HAS1: variants seen among roughly 807,000 people sequenced by gnomAD.
The protein encoded by HAS1 is HA synthase 1.
Under a neutral mutation model 35.0 loss-of-function variants are expected in HAS1, and 27 were observed. The ratio of observed to expected loss-of-function variants is 0.77; its 90% confidence interval spans 0.57 to 1.06. The LOEUF (loss-of-function observed/expected upper bound fraction) is 1.06. HAS1 is among the 50% of genes least tolerant of loss of function. The probability of loss-of-function intolerance (pLI) is 0.00; values close to 1 mark genes in which losing one functional copy is unlikely to be tolerated. For missense variants in HAS1, 940 were observed against 814.8 expected, an observed-to-expected ratio of 1.15 and a Z score of -1.87; for synonymous variants, 409 against 371.2, an observed-to-expected ratio of 1.10 and a Z score of -1.17.
intron 1 of HAS1, 39 bp downstream of exon 1, chr19:51,723,885 AC>A: frequency 1.4e-6 from 1 of 702,828 alleles, no homozygotes; most frequent in Non-Finnish European, 1.9e-6. Flanking sequence ...ATGGCTGTAT[AC>A]ACACACACAC....
intron 2 of HAS1, among the ~76,000 whole-genome samples, chr19:51,717,425 TG>T (rs1383771515): frequency 4.6e-5 from 7 of 152,170 alleles, no homozygotes; most frequent in African/African-American, 1.7e-4. Context: ...CTCTGGTGTG[TG>T]AGTGAGACCC....
At chr19:51,718,433 T>C (rs1212931294) in intron 2 of HAS1, among the ~76,000 whole-genome samples, 2 of 152,222 alleles carry the variant, frequency 1.3e-5, no homozygotes, top group African/African-American at 4.8e-5. Context: ...GATAAATGAA[T>C]GAATAAATGA....
At position 51,713,238 on chromosome 19, in the gene HAS1, C is replaced by T. The variant is rs1452119586; in HGVS notation, c.*189G>A. 1 of 505,752 alleles carries T rather than the reference C, an allele frequency of 2.0e-6. No individual in the cohort carries two copies. The highest frequency in any genetic ancestry group is 2.0e-5 in the African/African-American group (1 of 49,622). 31.3% of individuals were successfully genotyped at this position (505,752 alleles called of 1,614,324 possible). On this transcript the variant is annotated 3_prime_UTR_variant, in exon 5 of 5. Coordinates refer to ENST00000540069, the MANE Select transcript of HAS1 (RefSeq NM_001297436.2). This position sits in a 1 kb window ranked among gnomAD's most constrained non-coding sequence, Gnocchi z 4.5. ...TCCCACACCCTGACCAATAAATACC[C>T]TCCCTGGAGACCCAGAAGTCCCAGT...
intron 4 of HAS1, among the ~76,000 whole-genome samples, chr19:51,715,121 G>A (rs2083578385): frequency 6.6e-6 from 1 of 152,134 alleles, no homozygotes; most frequent in South Asian, 2.1e-4. Context: ...ACAGTGTCCA[G>A]ACTCCTTCCC....
At chr19:51,722,503 T>A (rs1036096466) in intron 1 of HAS1, among the ~76,000 whole-genome samples, 3 of 152,196 alleles carry the variant, frequency 2.0e-5, no homozygotes, top group African/African-American at 7.2e-5. Flanking sequence ...GAAATGATCA[T>A]ATCTTATATG....
At chr19:51,721,641 C>G (rs1369271579) in intron 1 of HAS1, among the ~76,000 whole-genome samples, 1 of 152,086 alleles carries the variant, frequency 6.6e-6, no homozygotes, top group Non-Finnish European at 1.5e-5. Flanking sequence ...TGGCGCACGA[C>G]TGTAGTCTCA....
At chr19:51,719,944 G>A (rs1472038885) in intron 1 of HAS1, 49 bp from the exon 2 acceptor site, 3 of 1,244,536 alleles carry the variant, frequency 2.4e-6, no homozygotes, top group Non-Finnish European at 3.3e-6. Flanking sequence ...CCGGGCGCAT[G>A]AGCCTCCTCC....
At position 51,716,978 on chromosome 19, in the gene HAS1, G is replaced by T. The variant is rs1280134645; in HGVS notation, c.915C>A (p.Ser305Arg). ...TCTGCCCCTGCTTACCTAGAGGACC[G>T]CTGATGCAGGATACACAGTGGAAGT... ...QSYFHCVSCISGPLGLYRNNL... is the reference protein window; with the variant it reads ...QSYFHCVSCIRGPLGLYRNNL... The change falls in exon 3 of 5, where the codon AGC (serine) becomes AGA (arginine). Residue 305 changes from serine to arginine, a missense_variant. Coordinates refer to ENST00000540069, the MANE Select transcript of HAS1 (RefSeq NM_001297436.2). 1.2e-6 allele frequency: 2 copies of T among 1,609,764 alleles called. No individual in the cohort carries two copies. Among genetic ancestry groups the T allele is most frequent in the Admixed American group, 1.7e-5 (1 of 60,006 alleles).
intron 2 of HAS1, 64 bp downstream of exon 2, chr19:51,719,142 A>T: frequency 2.0e-6 from 2 of 983,620 alleles, no homozygotes; most frequent in Non-Finnish European, 3.0e-6. Flanking sequence ...ATTGAAGGAA[A>T]GACCCCAGGA....
intron 1 of HAS1, among the ~76,000 whole-genome samples, chr19:51,720,942 A>G (rs1239650751): frequency 6.6e-6 from 1 of 152,242 alleles, no homozygotes; most frequent in Admixed American, 6.5e-5. Context: ...AGACAGTAAT[A>G]ATAATAACAC....
rs750236662 is a variant in HAS1 at position 51,716,954 on chromosome 19, C to G, written c.925+14G>C. 1.3e-6 allele frequency: 2 copies of G among 1,571,772 alleles called. No homozygotes were observed. The highest frequency in any genetic ancestry group is 3.3e-5 in the Admixed American group (2 of 59,972). On this transcript the variant is annotated intron_variant, in intron 3 of 4. Coordinates refer to ENST00000540069, the MANE Select transcript of HAS1 (RefSeq NM_001297436.2). ...ACCCCATCCACAGCCCTCCCAATCTCTGCCCCTGCTTACCTAGAGGACCGC... is the reference window on the plus strand; with the variant it reads ...ACCCCATCCACAGCCCTCCCAATCTGTGCCCCTGCTTACCTAGAGGACCGC...
rs2083614082 is a variant in HAS1 at position 51,719,795 on chromosome 19, C to CA, written c.109dup (p.Trp37LeufsTer117). On this transcript the variant is annotated frameshift_variant, in exon 2 of 5. Coordinates refer to ENST00000540069, the MANE Select transcript of HAS1 (RefSeq NM_001297436.2). LOFTEE classifies it high-confidence loss of function. The stretch of plus-strand genomic sequence containing the variant: ...CAGCGGCACCCCGGCGGCGTAGGCC[C>CA]AGGTCATGAGGCCCAGGATGAGCAG... The CA allele has an allele frequency of 6.4e-7, 1 of 1,560,338 alleles. No individual in the cohort carries two copies. The highest frequency in any genetic ancestry group is 1.9e-5 in the Admixed American group (1 of 53,122).
chr19:51,721,425 C>G (rs1219985817), intron 1 of HAS1, among the ~76,000 whole-genome samples: 2 of 152,120 alleles, frequency 1.3e-5, no homozygotes, highest in Non-Finnish European at 2.9e-5. Context: ...AAAGTACTTT[C>G]TGTGTGCCAG....
chr19:51,713,674 G>A lies in HAS1; in HGVS notation c.1487C>T (p.Ala496Val). The change falls in exon 5 of 5, where the codon GCC becomes GTC. Residue 496 changes from alanine to valine, a missense_variant. Coordinates refer to ENST00000540069, the MANE Select transcript of HAS1 (RefSeq NM_001297436.2). This position sits in a 1 kb window ranked among gnomAD's most constrained non-coding sequence, Gnocchi z 4.5. ...GGGCAGCAGAGGGACGTAGTTAGCGGCCAGCTTCCGCCGGCCCGAGGTGCC... is the reference window on the plus strand; with the variant it reads ...GGGCAGCAGAGGGACGTAGTTAGCGACCAGCTTCCGCCGGCCCGAGGTGCC... ...GWGTSGRRKLAANYVPLLPLA... is the reference protein window; with the variant it reads ...GWGTSGRRKLVANYVPLLPLA... 2.5e-6 allele frequency: 4 copies of A among 1,584,108 alleles called. No homozygotes were observed. Among genetic ancestry groups the A allele is most frequent in the Non-Finnish European group, 3.4e-6 (4 of 1,166,726 alleles).
At chr19:51,722,531 C>G (rs2083638327) in intron 1 of HAS1, among the ~76,000 whole-genome samples, 1 of 152,164 alleles carries the variant, frequency 6.6e-6, no homozygotes, top group Non-Finnish European at 1.5e-5. Context: ...GGTCGGCATG[C>G]TAAGACCTGC....
intron 1 of HAS1, 135 bp from the exon 2 acceptor site, chr19:51,720,030 GTCCT>G (rs2083619157): frequency 1.8e-6 from 1 of 565,222 alleles, no homozygotes; most frequent in Non-Finnish European, 3.0e-6. Context: ...CCCTCCCTCC[GTCCT>G]TCCTTCTCTT....
At chr19:51,714,688 CTCTA>C (rs1021015690) in intron 4 of HAS1, among the ~76,000 whole-genome samples, 3 of 20,484 alleles carry the variant, frequency 1.5e-4, no homozygotes, top group African/African-American at 5.2e-4. Flanking sequence ...CACAGCAAGA[CTCTA>C]TCTAAGAAAA....
Position 51,715,314 on chromosome 19 carries a change from T to G in HAS1, c.1058+942A>C, listed in dbSNP as rs575078929. Among the ~76,000 whole-genome samples, 4 of 152,168 alleles carry G rather than the reference T, an allele frequency of 2.6e-5. No individual in the cohort carries two copies. In the East Asian group the frequency reaches 7.7e-4, roughly 29 times the overall value. On this transcript the variant is annotated intron_variant, in intron 4 of 4. Transcript: ENST00000540069. The stretch of plus-strand genomic sequence containing the variant: ...TATAAGCCTTTCATGAGTGGACCAC[T>G]CCTTAACTCTCCATCCTGCTCTCCT...
At position 51,714,109 on chromosome 19, in the gene HAS1, G is replaced by A. The variant is rs771982503; in HGVS notation, c.1059-7C>T. The A allele has an allele frequency of 5.6e-6, 9 of 1,608,820 alleles. No homozygotes were observed. In the African/African-American group the frequency reaches 9.3e-5, roughly 17 times the overall value. Reference sequence around the variant, plus strand: ...GCGGGACCTGGAGGTGTACCTGCACGGGGGCGAGGAATGAGGGCATCATCG... The same window carrying A: ...GCGGGACCTGGAGGTGTACCTGCACAGGGGCGAGGAATGAGGGCATCATCG... On this transcript the variant is annotated splice_region_variant and splice_polypyrimidine_tract_variant and intron_variant, in intron 4 of 4. Coordinates refer to ENST00000540069, the MANE Select transcript of HAS1 (RefSeq NM_001297436.2).
Sources: gnomAD v4.1 joint callset for allele counts (sites outside exome capture counted in the v4.1 genomes callset) on GRCh38, gnomAD v4.1.1 for gene constraint, Gnocchi (gnomAD v3.1) non-coding constraint, MANE v1.5 for transcripts, NCBI Gene and HGNC (gene_info 2026-07-23, HGNC 2026-07-21) for gene names.